The following TAX1BP1 variants were observed in gnomAD, a reference collection of about 807,000 sequenced individuals.
The protein encoded by TAX1BP1 is tax1-binding protein 1.
Under a neutral mutation model 97.7 loss-of-function variants are expected in TAX1BP1, and 62 were observed. The observed-to-expected ratio is 0.63, with a 90% CI of 0.52 to 0.78. TAX1BP1 has a LOEUF of 0.78. Among genes scored for constraint, TAX1BP1 ranks in the 30% least tolerant of loss-of-function variants. The pLI, the probability that TAX1BP1 is intolerant of heterozygous loss-of-function variation, is 0.00. For synonymous variants in TAX1BP1, 340 were observed against 304.2 expected, an observed-to-expected ratio of 1.12 and a Z score of -1.23; for missense variants, 867 against 916.1, an observed-to-expected ratio of 0.95 and a Z score of 0.69.
intron 13 of TAX1BP1, among the ~76,000 whole-genome samples, chr7:27,804,644 G>T (rs546224173): frequency 1.6e-4 from 24 of 152,274 alleles, no homozygotes; most frequent in Admixed American, 1.3e-3. Flanking sequence ...GTACTTAATA[G>T]CAAAAACTAT....
intron 15 of TAX1BP1, among the ~76,000 whole-genome samples, chr7:27,821,512 G>GT (rs777661886): frequency 4.6e-5 from 7 of 152,002 alleles, no homozygotes; most frequent in Admixed American, 1.3e-4. Flanking sequence ...GTGCACGCCA[G>GT]TAATCCCAGC....
At chr7:27,760,436 A>G (rs1788381330) in intron 3 of TAX1BP1, among the ~76,000 whole-genome samples, 1 of 147,458 alleles carries the variant, frequency 6.8e-6, no homozygotes, top group African/African-American at 2.5e-5. Context: ...TCTGTCTCCC[A>G]GGCTGGAGTG....
chr7:27,741,460 C>A (rs1040188675), intron 1 of TAX1BP1, among the ~76,000 whole-genome samples: 1 of 151,092 alleles, frequency 6.6e-6, no homozygotes, highest in African/African-American at 2.4e-5. Flanking sequence ...TGTTCAACTT[C>A]AAAGAACATT....
intron 7 of TAX1BP1, among the ~76,000 whole-genome samples, chr7:27,786,775 A>G (rs1211392517): frequency 1.3e-5 from 2 of 152,200 alleles, no homozygotes; most frequent in Non-Finnish European, 2.9e-5. Flanking sequence ...AAGTAAGTTA[A>G]TTCATTTCTC....
At chr7:27,801,387 C>T (rs1239034825) in intron 13 of TAX1BP1, among the ~76,000 whole-genome samples, 3 of 152,046 alleles carry the variant, frequency 2.0e-5, no homozygotes, top group Non-Finnish European at 4.4e-5. Context: ...GGCTAAGTTA[C>T]ATTAGCTTAT....
intron 1 of TAX1BP1, among the ~76,000 whole-genome samples, chr7:27,741,199 T>C (rs1450851394): frequency 2.6e-5 from 4 of 152,252 alleles, no homozygotes; most frequent in Non-Finnish European, 5.9e-5. Context: ...ATTCTGCTAA[T>C]GTTAAAATTT....
At chr7:27,785,126 C>G in intron 5 of TAX1BP1, 37 bp from the exon 6 acceptor site, 1 of 1,566,310 alleles carries the variant, frequency 6.4e-7, no homozygotes, top group Non-Finnish European at 8.6e-7. Flanking sequence ...GATTATGTTT[C>G]TGTGTTTTCT....
chr7:27,781,280 C>T (rs949493368), intron 5 of TAX1BP1, among the ~76,000 whole-genome samples: 3 of 152,258 alleles, frequency 2.0e-5, no homozygotes, highest in East Asian at 3.9e-4. Flanking sequence ...AATGGGGATA[C>T]GTTCTTAGAA....
chr7:27,796,092 G>A (rs754433097), intron 11 of TAX1BP1, 24 bp from the exon 12 acceptor site: 1 of 1,574,736 alleles, frequency 6.4e-7, no homozygotes, highest in Non-Finnish European at 8.7e-7. Flanking sequence ...CTTTTTAACA[G>A]TCTTATATTC....
intron 5 of TAX1BP1, among the ~76,000 whole-genome samples, chr7:27,777,468 G>T (rs1789074634): frequency 6.6e-6 from 1 of 152,056 alleles, no homozygotes; most frequent in South Asian, 2.1e-4. Context: ...TTCCACTCTG[G>T]CTGGTAGGAA....
intron 15 of TAX1BP1, among the ~76,000 whole-genome samples, chr7:27,824,398 T>TA (rs1049461057): frequency 3.0e-4 from 45 of 150,512 alleles, no homozygotes; most frequent in Admixed American, 2.2e-3. Flanking sequence ...TCCTGTCTCT[T>TA]AAAAAAAATA....
At chr7:27,799,555 TTACCTC>T (rs1185362569) in intron 12 of TAX1BP1, among the ~76,000 whole-genome samples, 3 of 152,140 alleles carry the variant, frequency 2.0e-5, no homozygotes, top group African/African-American at 7.2e-5. Context: ...ATGGCAAAAA[TTACCTC>T]TATCATTCTG....
intron 5 of TAX1BP1, among the ~76,000 whole-genome samples, chr7:27,778,027 A>G (rs1210547378): frequency 1.3e-5 from 2 of 152,170 alleles, no homozygotes; most frequent in African/African-American, 4.8e-5. Flanking sequence ...GAGCCAAGAT[A>G]TTCTTTCTCA....
intron 13 of TAX1BP1, among the ~76,000 whole-genome samples, chr7:27,808,547 G>T (rs527911891): frequency 4.9e-4 from 74 of 152,190 alleles, no homozygotes; most frequent in South Asian, 3.9e-3. Flanking sequence ...TACTCTCCGC[G>T]CTCCTTTACT....
chr7:27,802,525 T>A (rs1236592485), intron 13 of TAX1BP1, among the ~76,000 whole-genome samples: 4 of 152,184 alleles, frequency 2.6e-5, no homozygotes, highest in African/African-American at 4.8e-5. Flanking sequence ...AATGAATGAA[T>A]GATTTAGAGA....
chr7:27,743,713 T>G (rs1266509919), intron 1 of TAX1BP1, among the ~76,000 whole-genome samples: 1 of 152,176 alleles, frequency 6.6e-6, no homozygotes, highest in Admixed American at 6.6e-5. Context: ...CTGGAGTTTT[T>G]AAAGCAAATC....
At chr7:27,794,037 G>A (rs747852937) in intron 10 of TAX1BP1, among the ~76,000 whole-genome samples, 3 of 152,138 alleles carry the variant, frequency 2.0e-5, no homozygotes, top group Non-Finnish European at 4.4e-5. Context: ...TTTTGAGTAC[G>A]TTATAACTTT....
intron 15 of TAX1BP1, among the ~76,000 whole-genome samples, chr7:27,819,837 A>G (rs1021438356): frequency 2.0e-5 from 3 of 152,192 alleles, no homozygotes; most frequent in Non-Finnish European, 4.4e-5. Context: ...CATATATAAT[A>G]TCCTTAGAAA....
chr7:27,759,767 T>C (rs982416247), intron 3 of TAX1BP1, among the ~76,000 whole-genome samples: 21 of 152,130 alleles, frequency 1.4e-4, no homozygotes, highest in Admixed American at 8.5e-4. Flanking sequence ...AAAAATGTGC[T>C]CAGGATTATG....
Sources: allele counts gnomAD v4.1 joint callset (sites outside exome capture counted in the v4.1 genomes callset), GRCh38; gene constraint gnomAD v4.1.1; transcripts MANE v1.5; gene names NCBI Gene and HGNC (gene_info 2026-07-23, HGNC 2026-07-21).